Variants in OR9Q1 observed in about 807,000 individuals in gnomAD.
OR9Q1 encodes olfactory receptor family 9 subfamily Q member 1, also known as olfactory receptor 9Q1.
For synonymous variants in OR9Q1, 153 were observed against 148.6 expected (o/e 1.03, Z -0.22); for missense variants, 374 against 378.8 (o/e 0.99, Z 0.11).
intron 1 of OR9Q1, chr11:58,044,282 C>CA (rs1252467711): frequency 2.0e-5 from 3 of 152,208 alleles, no homozygotes; most frequent in Admixed American, 1.3e-4. Context: ...GATGGCTGGC[C>CA]ACCCTCTGAC....
intron 1 of OR9Q1, among the ~76,000 whole-genome samples, chr11:58,025,735 G>A (rs1481775520): frequency 6.6e-6 from 1 of 152,162 alleles, no homozygotes; most frequent in Non-Finnish European, 1.5e-5. Context: ...AGAAGGTGGT[G>A]GAGCTGAGAT....
Position 58,153,847 on chromosome 11 carries a change from T to C in OR9Q1, c.-14-25584T>C, listed in dbSNP as rs1027986661. 2.6e-5 allele frequency among the ~76,000 whole-genome samples: 4 copies of C among 152,276 alleles called. No individual in the cohort carries two copies. In the East Asian group the frequency reaches 7.7e-4, roughly 29 times the overall value. ...TATATCACTAGACTATGATTCAGCA[T>C]ATGAGAAGAGCAGATTGGATGGAGG... On this transcript the variant is annotated intron_variant, in intron 2 of 2. Coordinates refer to ENST00000335397, the MANE Select transcript of OR9Q1 (RefSeq NM_001005212.4).
At chr11:58,174,242 G>A (rs1321792230) in intron 2 of OR9Q1, among the ~76,000 whole-genome samples, 1 of 152,142 alleles carries the variant, frequency 6.6e-6, no homozygotes, top group African/African-American at 2.4e-5. Flanking sequence ...TTGTCTGCTT[G>A]TGATTCTGCC....
intron 2 of OR9Q1, among the ~76,000 whole-genome samples, chr11:58,074,449 G>A (rs1853519045): frequency 6.6e-6 from 1 of 152,032 alleles, no homozygotes; most frequent in Non-Finnish European, 1.5e-5. Context: ...CTTTTTGATG[G>A]AGTTGTTTTT....
At chr11:58,111,422 C>T (rs773120273) in intron 2 of OR9Q1, among the ~76,000 whole-genome samples, 1 of 152,212 alleles carries the variant, frequency 6.6e-6, no homozygotes, top group African/African-American at 2.4e-5. Flanking sequence ...TGTTTTAAAA[C>T]CTTCTCTGCT....
chr11:58,130,344 T>G (rs779810830), intron 2 of OR9Q1, among the ~76,000 whole-genome samples: 1 of 152,210 alleles, frequency 6.6e-6, no homozygotes, highest in Non-Finnish European at 1.5e-5. Context: ...CATGAGATAC[T>G]TTTTGCCTAC....
intron 2 of OR9Q1, among the ~76,000 whole-genome samples, chr11:58,080,063 C>G (rs1853574381): frequency 6.6e-6 from 1 of 152,012 alleles, no homozygotes; most frequent in Non-Finnish European, 1.5e-5. Context: ...GGTACATGTG[C>G]AGGCTTGTTA....
chr11:58,150,594 A>T (rs1844463132), intron 2 of OR9Q1, among the ~76,000 whole-genome samples: 1 of 152,196 alleles, frequency 6.6e-6, no homozygotes, highest in Non-Finnish European at 1.5e-5. Flanking sequence ...TCACCTGTGG[A>T]TATTGTAAAC....
Position 58,179,452 on chromosome 11 carries a change from A to G in OR9Q1, c.8A>G (p.Glu3Gly). 1 of 1,560,198 alleles carries G rather than the reference A, an allele frequency of 6.4e-7. No individual in the cohort carries two copies. Residue 3 changes from glutamate (E) to glycine (G), a missense_variant, in exon 3 of 3, where the codon GAG becomes GGG. Coordinates refer to ENST00000335397, the MANE Select transcript of OR9Q1 (RefSeq NM_001005212.4). ...TCAGGGACCACTGGTGTCATGGCAG[A>G]GATGAACCTCACCTTGGTGACCGAG... Reference protein sequence around the residue: MAEMNLTLVTEFL... With the variant: MAGMNLTLVTEFL...
intron 2 of OR9Q1, among the ~76,000 whole-genome samples, chr11:58,128,569 G>A (rs1357257539): frequency 2.6e-5 from 4 of 152,126 alleles, no homozygotes; most frequent in East Asian, 1.9e-4. Flanking sequence ...GATCTATCGC[G>A]TTATAAAGAA....
chr11:58,179,644 C>T lies in OR9Q1; in HGVS notation c.200C>T (p.Ala67Val). The T allele has an allele frequency of 1.2e-6, 2 of 1,613,188 alleles. No individual in the cohort carries two copies. Among genetic ancestry groups the T allele is most frequent in the Non-Finnish European group, 1.7e-6 (2 of 1,179,302 alleles). ...APMYFLLSHLAFMDVCYSSIT... is the reference protein window; with the variant it reads ...APMYFLLSHLVFMDVCYSSIT... Reference sequence around the variant, plus strand: ...ATGTATTTCCTTCTGAGTCACCTCGCTTTCATGGACGTCTGCTACTCATCT... The same window carrying T: ...ATGTATTTCCTTCTGAGTCACCTCGTTTTCATGGACGTCTGCTACTCATCT... Residue 67 changes from alanine (A) to valine (V), a missense_variant, in exon 3 of 3, where the codon GCT becomes GTT. Physicochemically the swap from Ala to Val is moderately conservative, Grantham distance 64. Transcript: ENST00000335397.
At position 58,180,584 on chromosome 11, in the gene OR9Q1, C is replaced by A; in HGVS notation, c.*207C>A. The A allele has an allele frequency of 2.4e-6, 1 of 419,386 alleles. No homozygotes were observed. The highest frequency in any genetic ancestry group is 4.4e-6 in the Non-Finnish European group (1 of 228,256). 26.0% of individuals were successfully genotyped at this position (419,386 alleles called of 1,614,324 possible). On this transcript the variant is annotated 3_prime_UTR_variant, in exon 3 of 3. Transcript: ENST00000335397. ...GAGATTGGAGTGGGAGTTTTGATTCCCAGGACAAGTGACAAAAGGATTTGA... is the reference window on the plus strand; with the variant it reads ...GAGATTGGAGTGGGAGTTTTGATTCACAGGACAAGTGACAAAAGGATTTGA...
At chr11:58,174,195 C>A (rs765687507) in intron 2 of OR9Q1, among the ~76,000 whole-genome samples, 1 of 152,130 alleles carries the variant, frequency 6.6e-6, no homozygotes, top group Non-Finnish European at 1.5e-5. Flanking sequence ...AGACCCGATG[C>A]AAGCAAAGAC....
At chr11:58,092,660 C>T (rs1853695741) in intron 2 of OR9Q1, among the ~76,000 whole-genome samples, 1 of 152,022 alleles carries the variant, frequency 6.6e-6, no homozygotes, top group Non-Finnish European at 1.5e-5. Context: ...TTCGTTTCTC[C>T]TTTTTATACA....
chr11:58,034,792 C>CCCTTCCTT (rs71061567), intron 1 of OR9Q1, among the ~76,000 whole-genome samples: 3,955 of 96,006 alleles, frequency 0.041, 203 homozygotes, highest in African/African-American at 0.086. Flanking sequence ...CCTCCTTTCT[C>CCCTTCCTT]CCTTCCTTCC....
At chr11:58,076,729 C>T (rs1853542048) in intron 2 of OR9Q1, among the ~76,000 whole-genome samples, 1 of 152,160 alleles carries the variant, frequency 6.6e-6, no homozygotes, top group African/African-American at 2.4e-5. Context: ...TCAAGTGATT[C>T]TCCTCCCTTG....
chr11:58,073,053 T>TTGTA (rs1451436513), intron 2 of OR9Q1: 1 of 208,156 alleles, frequency 4.8e-6, no homozygotes, highest in Non-Finnish European at 1.1e-5. Context: ...ATAAACTGTG[T>TTGTA]TGTAGTTGAT....
rs754650797 is a variant in OR9Q1, at chr11:58,030,960, C to T, written c.-93+6856C>T. ...GAGCTCTCACTGCCACATATGCAAC[C>T]ATATACCAAAAACTGGACCCAGGTA... On this transcript the variant is annotated intron_variant, in intron 1 of 2. Coordinates refer to ENST00000335397, the MANE Select transcript of OR9Q1 (RefSeq NM_001005212.4). 7.4e-6 allele frequency: 12 copies of T among 1,611,288 alleles called. No homozygotes were observed. Among genetic ancestry groups the T allele is most frequent in the Non-Finnish European group, 1.0e-5 (12 of 1,177,642 alleles).
chr11:58,088,743 CT>C (rs1194702586), intron 2 of OR9Q1, among the ~76,000 whole-genome samples: 16 of 151,670 alleles, frequency 1.1e-4, no homozygotes, highest in African/African-American at 3.9e-4. Context: ...AGAAGGGTAG[CT>C]TGCTAAAATT....
Sources: gnomAD v4.1 joint callset for allele counts (sites outside exome capture counted in the v4.1 genomes callset) on GRCh38, gnomAD v4.1.1 for gene constraint, MANE v1.5 for transcripts, NCBI Gene and HGNC (gene_info 2026-07-23, HGNC 2026-07-21) for gene names.